The following WWOX variants were observed in gnomAD, a reference collection of about 807,000 sequenced individuals.
The protein encoded by WWOX is WW domain containing oxidoreductase.
Under a neutral mutation model 46.2 loss-of-function variants are expected in WWOX, and 69 were observed. That is an observed-to-expected ratio of 1.49 (90% CI 1.23 to 1.82). The LOEUF (loss-of-function observed/expected upper bound fraction) is 1.82, where lower values mean the gene tolerates loss of function less well. Ranked by LOEUF, WWOX falls within the 40% of genes most tolerant of loss-of-function variation. The pLI is 0.00. For synonymous variants in WWOX, 359 were observed against 202.6 expected, an observed-to-expected ratio of 1.77 and a Z score of -6.56; for missense variants, 919 against 542.6, an observed-to-expected ratio of 1.69 and a Z score of -6.89.
In WWOX at chr16:79,212,453, A is replaced by G. The variant is rs956448854; in HGVS notation, c.*657A>G. 3.1e-5 allele frequency: 8 copies of G among 254,010 alleles called. No individual in the cohort carries two copies. The highest frequency in any genetic ancestry group is 2.2e-4 in the East Asian group (3 of 13,406). The allele number at this position is 254,010 out of a possible 1,614,324, so 15.7% of individuals were successfully genotyped here. On this transcript the variant is annotated 3_prime_UTR_variant, in exon 9 of 9. Transcript: ENST00000566780. ...AAAAAATTCTTTAGAGATTATAACA[A>G]ATTTTTCAAATCATTCCTTAGATAC...
At chr16:78,642,388 T>C (rs1478203821) in intron 8 of WWOX, among the ~76,000 whole-genome samples, 1 of 152,214 alleles carries the variant, frequency 6.6e-6, no homozygotes, top group Non-Finnish European at 1.5e-5. Context: ...CTTTCCTTTT[T>C]TGCTCAAAGT....
At chr16:78,104,983 A>C (rs564126574) in intron 1 of WWOX, among the ~76,000 whole-genome samples, 1 of 152,334 alleles carries the variant, frequency 6.6e-6, no homozygotes, top group South Asian at 2.1e-4. Context: ...GTTGGGCTTC[A>C]GAATCTTCAC....
intron 8 of WWOX, chr16:78,981,767 A>G (rs1294461886): frequency 6.6e-6 from 1 of 152,206 alleles, no homozygotes; most frequent in Non-Finnish European, 1.5e-5. Flanking sequence ...CCTGCACGGT[A>G]GATACAACCA....
intron 8 of WWOX, among the ~76,000 whole-genome samples, chr16:78,893,425 C>T (rs556926506): frequency 4.6e-5 from 7 of 152,078 alleles, no homozygotes; most frequent in Non-Finnish European, 8.8e-5. Flanking sequence ...TTTGGATTGA[C>T]TTCTCTTTTC....
In WWOX at chr16:78,516,565, T is replaced by C. The variant is rs146911482; in HGVS notation, c.1056+83813T>C. On this transcript the variant is annotated intron_variant, in intron 8 of 8. Transcript: ENST00000566780. ...CTGTGATGTTGGAATCTTTAAAATA[T>C]CATGCATACTTGGCCTGTTTCTACA... Among the ~76,000 whole-genome samples, 819 of 152,308 alleles carry C rather than the reference T, an allele frequency of 5.4e-3. 10 individuals are homozygous for C. Among genetic ancestry groups the C allele is most frequent in the African/African-American group, 0.019 (793 of 41,558 alleles).
chr16:78,206,757 G>T (rs1287163596), intron 5 of WWOX, among the ~76,000 whole-genome samples: 2 of 152,066 alleles, frequency 1.3e-5, no homozygotes, highest in African/African-American at 4.8e-5. Flanking sequence ...TGACTAGAGT[G>T]TTAATTATTA....
At chr16:78,328,939 G>T (rs2151890377) in intron 5 of WWOX, among the ~76,000 whole-genome samples, 1 of 151,994 alleles carries the variant, frequency 6.6e-6, no homozygotes, top group African/African-American at 2.4e-5. Context: ...TCAGCTCACT[G>T]CAGCCTCTGC....
intron 5 of WWOX, among the ~76,000 whole-genome samples, chr16:78,235,685 C>T (rs541501123): frequency 6.6e-6 from 1 of 152,182 alleles, no homozygotes; most frequent in East Asian, 1.9e-4. Context: ...ACTGTTGTGC[C>T]TTTTGGACAA....
At chr16:78,409,796 C>G (rs541080569) in intron 6 of WWOX, among the ~76,000 whole-genome samples, 7 of 152,184 alleles carry the variant, frequency 4.6e-5, no homozygotes, top group Non-Finnish European at 1.0e-4. Flanking sequence ...TCACCCACAA[C>G]ATCTTCAAAA....
At chr16:78,950,444 G>A (rs940509367) in intron 8 of WWOX, among the ~76,000 whole-genome samples, 1 of 151,788 alleles carries the variant, frequency 6.6e-6, no homozygotes. Context: ...AAAAGATGTT[G>A]GGTTGGAAAG....
chr16:78,603,512 T>C (rs1220315455), intron 8 of WWOX, among the ~76,000 whole-genome samples: 8 of 152,110 alleles, frequency 5.3e-5, no homozygotes, highest in Admixed American at 4.6e-4. Flanking sequence ...CTGGCCAACA[T>C]GGTGAAACCC....
chr16:78,540,633 T>C (rs1176077296), intron 8 of WWOX, among the ~76,000 whole-genome samples: 1 of 152,098 alleles, frequency 6.6e-6, no homozygotes, highest in Non-Finnish European at 1.5e-5. Context: ...AGCTCCTACC[T>C]GAGCTCTGAG....
chr16:78,363,856 G>A lies in WWOX; in HGVS notation c.517-23004G>A, dbSNP rs147185282. ...AGGAACTTGCCCGAGGTCATGTGCA[G>A]AGTTCGAGGCAGGGCCTGGATGGGA... On this transcript the variant is annotated intron_variant, in intron 5 of 8. Transcript: ENST00000566780. 5.5e-3 allele frequency among the ~76,000 whole-genome samples: 841 copies of A among 152,294 alleles called. 4 individuals are homozygous for A. The highest frequency in any genetic ancestry group is 8.9e-3 in the Non-Finnish European group (603 of 68,022).
intron 8 of WWOX, among the ~76,000 whole-genome samples, chr16:78,995,207 TC>T (rs1223100261): frequency 6.6e-6 from 1 of 152,008 alleles, no homozygotes; most frequent in Admixed American, 6.6e-5. Flanking sequence ...TTGCATTCTT[TC>T]CAAATACGTG....
Position 78,813,211 on chromosome 16 carries a change from A to G in WWOX, c.1056+380459A>G, listed in dbSNP as rs147563234. Among the ~76,000 whole-genome samples, 599 of 151,958 alleles carry G rather than the reference A, an allele frequency of 3.9e-3. 1 individual carries two copies. Among genetic ancestry groups the G allele is most frequent in the African/African-American group, 0.014 (564 of 41,464 alleles). On this transcript the variant is annotated intron_variant, in intron 8 of 8. Transcript: ENST00000566780. ...TTCTGATTTTTGTTGTTTTGCTATC[A>G]TAGCGTTACCTACCTCACAGAGATG...
intron 8 of WWOX, among the ~76,000 whole-genome samples, chr16:78,800,756 A>G (rs75086849): frequency 0.015 from 2,257 of 152,256 alleles, 28 homozygotes; most frequent in South Asian, 0.074. Flanking sequence ...TTCTTAGCTA[A>G]GGTCAGTGTG....
intron 8 of WWOX, among the ~76,000 whole-genome samples, chr16:79,139,873 C>G (rs111561772): frequency 6.6e-6 from 1 of 152,238 alleles, no homozygotes; most frequent in South Asian, 2.1e-4. Context: ...CGTGTTATGG[C>G]GCATACCCAA....
At chr16:78,370,973 G>A (rs1027341397) in intron 5 of WWOX, among the ~76,000 whole-genome samples, 4 of 93,980 alleles carry the variant, frequency 4.3e-5, no homozygotes, top group Non-Finnish European at 1.1e-4. Flanking sequence ...AGACTGTGTT[G>A]TGATTTCTTT....
chr16:78,809,695 G>T (rs763143475), intron 8 of WWOX, among the ~76,000 whole-genome samples: 3 of 152,184 alleles, frequency 2.0e-5, no homozygotes, highest in Non-Finnish European at 4.4e-5. Context: ...CTGGGAGTGT[G>T]AATGAGGCCA....
Sources: allele counts gnomAD v4.1 joint callset (sites outside exome capture counted in the v4.1 genomes callset), GRCh38; gene constraint gnomAD v4.1.1; transcripts MANE v1.5; gene names NCBI Gene and HGNC (gene_info 2026-07-23, HGNC 2026-07-21).